SMOC1: variants seen among roughly 807,000 people sequenced by gnomAD.
SMOC1 encodes the protein SPARC-related modular calcium-binding protein 1.
SMOC1 carries 22 observed loss-of-function variants against 56.3 expected under a neutral mutation model. The observed-to-expected ratio is 0.39, with a 90% CI of 0.28 to 0.56. The LOEUF (loss-of-function observed/expected upper bound fraction) is 0.56. SMOC1 is among the 20% of genes least tolerant of loss of function. The probability of loss-of-function intolerance (pLI) is 0.61; values close to 1 mark genes in which losing one functional copy is unlikely to be tolerated. For synonymous variants in SMOC1, 193 were observed against 215.0 expected, an observed-to-expected ratio of 0.90 and a Z score of 0.89; for missense variants, 509 against 565.4, an observed-to-expected ratio of 0.90 and a Z score of 1.01.
intron 5 of SMOC1, among the ~76,000 whole-genome samples, chr14:69,987,472 G>A (rs1884406811): frequency 2.6e-5 from 4 of 152,172 alleles, no homozygotes; most frequent in Non-Finnish European, 4.4e-5. Flanking sequence ...ACCTGGAAGA[G>A]AAAGCTCTTT....
In SMOC1 at chr14:70,023,197, G is replaced by A. The variant is rs1249815732; in HGVS notation, c.1047-6G>A. On this transcript the variant is annotated splice_region_variant and splice_polypyrimidine_tract_variant and intron_variant, in intron 10 of 11. Coordinates refer to ENST00000361956, the MANE Select transcript of SMOC1 (RefSeq NM_001034852.3). ...TCTGCGGTGGGGGTGTTTGTCCATG[G>A]CCCAGGTTCTCAGAGCCAGACCCCA... The A allele has an allele frequency of 1.9e-6, 3 of 1,613,880 alleles. No individual in the cohort carries two copies. The African/African-American group carries it at 4.0e-5, about 22-fold the overall frequency.
At chr14:70,015,183 C>T (rs1885465311) in intron 10 of SMOC1, among the ~76,000 whole-genome samples, 1 of 152,228 alleles carries the variant, frequency 6.6e-6, no homozygotes, top group East Asian at 1.9e-4. Flanking sequence ...GTGAAATGAG[C>T]CAGTCACAAG....
intron 1 of SMOC1, among the ~76,000 whole-genome samples, chr14:69,884,880 T>C (rs1157153610): frequency 6.6e-6 from 1 of 152,204 alleles, no homozygotes; most frequent in African/African-American, 2.4e-5. Flanking sequence ...TCTGGCTTTG[T>C]TCTTGTTACT....
chr14:70,010,713 A>G (rs772151553), intron 7 of SMOC1, 41 bp from the exon 8 acceptor site: 2 of 1,607,242 alleles, frequency 1.2e-6, no homozygotes, highest in Non-Finnish European at 1.7e-6. Context: ...GTGTTAAATC[A>G]CAGGAGTGAT....
intron 5 of SMOC1, among the ~76,000 whole-genome samples, chr14:69,982,015 T>TG (rs1196847579): frequency 6.6e-6 from 1 of 152,124 alleles, no homozygotes; most frequent in Non-Finnish European, 1.5e-5. Context: ...GAAAAGCACT[T>TG]GTGAAATGAT....
At position 69,977,943 on chromosome 14, in the gene SMOC1, C is replaced by A. The variant is rs765184908; in HGVS notation, c.504C>A (p.Ser168Arg). 3.1e-6 allele frequency: 5 copies of A among 1,613,900 alleles called. No individual in the cohort carries two copies. Among genetic ancestry groups the A allele is most frequent in the Non-Finnish European group, 4.2e-6 (5 of 1,179,832 alleles). ...GTTCAGTCACCGACAAGCCCTTGAG[C>A]CAGGGTAACTCAGGAAGGAAAGGTG... ...CSGSVTDKPLSQGNSGRKDDG... is the reference protein window; with the variant it reads ...CSGSVTDKPLRQGNSGRKDDG... Residue 168 changes from serine to arginine, a missense_variant, in exon 5 of 12, where the codon AGC becomes AGA. Around this residue, in one of 3 missense-constraint regions of SMOC1, gnomAD observed 315 missense variants for 333.1 expected, o/e 0.95. Transcript: ENST00000361956.
intron 3 of SMOC1, among the ~76,000 whole-genome samples, chr14:69,975,117 G>T (rs1745017407): frequency 6.6e-6 from 1 of 152,180 alleles, no homozygotes; most frequent in Non-Finnish European, 1.5e-5. Flanking sequence ...GCCGAGGCAG[G>T]TGAATCACTT....
At chr14:69,896,358 C>G (rs1884099097) in intron 1 of SMOC1, among the ~76,000 whole-genome samples, 1 of 152,188 alleles carries the variant, frequency 6.6e-6, no homozygotes, top group Admixed American at 6.5e-5. Context: ...CTAGCTCTGC[C>G]ACTTTCTAGC....
At chr14:69,992,508 C>T (rs1175318851) in intron 6 of SMOC1, 35 bp downstream of exon 6, 1 of 1,496,566 alleles carries the variant, frequency 6.7e-7, no homozygotes, top group Non-Finnish European at 9.3e-7. Flanking sequence ...GTTCATTCTC[C>T]CACTCATTTT....
chr14:69,999,167 G>C (rs1374838609), intron 7 of SMOC1, among the ~76,000 whole-genome samples: 2 of 152,208 alleles, frequency 1.3e-5, no homozygotes, highest in Non-Finnish European at 2.9e-5. Context: ...CAGGTAAGCT[G>C]TTCACAGTAT....
At chr14:69,950,311 G>A (rs563585107) in intron 1 of SMOC1, among the ~76,000 whole-genome samples, 2 of 152,266 alleles carry the variant, frequency 1.3e-5, no homozygotes, top group South Asian at 2.1e-4. Flanking sequence ...GGACAGGTTC[G>A]GGCCCTCTTT....
At chr14:69,939,003 C>T (rs1017512028) in intron 1 of SMOC1, among the ~76,000 whole-genome samples, 2 of 152,192 alleles carry the variant, frequency 1.3e-5, no homozygotes, top group Non-Finnish European at 2.9e-5. Context: ...ACACATGCCT[C>T]AGCTCATGAA....
Position 69,914,397 on chromosome 14 carries a change from G to T in SMOC1, c.99+34620G>T, listed in dbSNP as rs555467998. Reference sequence around the variant, plus strand: ...AATAAAGCCTTATATTTACAAAAATGGGGAGCTGGGCCAGATTTGTGCACC... The same window carrying T: ...AATAAAGCCTTATATTTACAAAAATTGGGAGCTGGGCCAGATTTGTGCACC... On this transcript the variant is annotated intron_variant, in intron 1 of 11. Coordinates refer to ENST00000361956, the MANE Select transcript of SMOC1 (RefSeq NM_001034852.3). Among the ~76,000 whole-genome samples, 14 of 152,276 alleles carry T rather than the reference G, an allele frequency of 9.2e-5. No homozygotes were observed. In the South Asian group the frequency reaches 1.5e-3, roughly 16 times the overall value.
intron 1 of SMOC1, among the ~76,000 whole-genome samples, chr14:69,906,596 T>G (rs188742904): frequency 2.6e-5 from 4 of 152,312 alleles, no homozygotes; most frequent in Middle Eastern, 3.4e-3. Context: ...CATTATAAAA[T>G]TGTTACTTTA....
chr14:69,892,651 C>T (rs936916553), intron 1 of SMOC1, among the ~76,000 whole-genome samples: 3 of 152,174 alleles, frequency 2.0e-5, no homozygotes, highest in African/African-American at 7.2e-5. Flanking sequence ...TTCTACCAGT[C>T]TCCCTATTCC....
intron 1 of SMOC1, among the ~76,000 whole-genome samples, chr14:69,950,781 G>A (rs1333448137): frequency 6.6e-6 from 1 of 152,192 alleles, no homozygotes; most frequent in Admixed American, 6.5e-5. Context: ...TTAACAGGGG[G>A]TTCCCTGATA....
intron 1 of SMOC1, among the ~76,000 whole-genome samples, chr14:69,917,690 C>T (rs76237749): frequency 0.036 from 5,477 of 152,236 alleles, 132 homozygotes; most frequent in Admixed American, 0.066. Flanking sequence ...CTGTTCTTTT[C>T]CTCTTTCTTC....
intron 10 of SMOC1, among the ~76,000 whole-genome samples, chr14:70,015,916 AAG>A (rs1330036748): frequency 6.6e-6 from 1 of 152,216 alleles, no homozygotes; most frequent in African/African-American, 2.4e-5. Flanking sequence ...TTATGTTTAG[AAG>A]AGAGAGAAAA....
intron 1 of SMOC1, among the ~76,000 whole-genome samples, chr14:69,951,810 T>A (rs569933829): frequency 6.6e-6 from 1 of 152,374 alleles, no homozygotes; most frequent in Admixed American, 6.5e-5. Context: ...CTGGGCAAGT[T>A]ACGTCTCTGG....
Sources: gnomAD v4.1 joint callset for allele counts (sites outside exome capture counted in the v4.1 genomes callset) on GRCh38, gnomAD v4.1.1 for gene constraint, gnomAD v4.1.1 regional missense constraint, MANE v1.5 for transcripts, NCBI Gene and HGNC (gene_info 2026-07-23, HGNC 2026-07-21) for gene names.